Variants in LUC7L2 observed in about 807,000 individuals in gnomAD.
LUC7L2 encodes putative RNA-binding protein Luc7-like 2.
In LUC7L2, 25 loss-of-function variants were observed where a neutral mutation model predicts 52.8. The ratio of observed to expected loss-of-function variants is 0.47; its 90% confidence interval spans 0.34 to 0.66. The LOEUF is 0.66. Among genes scored for constraint, LUC7L2 ranks in the 30% least tolerant of loss-of-function variants. The pLI is 0.01. For missense variants in LUC7L2, 328 were observed against 497.8 expected (o/e 0.66, Z 3.25); for synonymous variants, 144 against 160.9 (o/e 0.89, Z 0.80).
chr7:139,379,901 G>A (rs570282550), intron 2 of LUC7L2, among the ~76,000 whole-genome samples: 57 of 152,044 alleles, frequency 3.7e-4, no homozygotes, highest in Non-Finnish European at 6.8e-4. Context: ...AAATTAATCA[G>A]GGCTGGGCGT....
intron 2 of LUC7L2, among the ~76,000 whole-genome samples, chr7:139,387,260 C>G (rs1794242623): frequency 6.6e-6 from 1 of 152,136 alleles, no homozygotes; most frequent in Non-Finnish European, 1.5e-5. Flanking sequence ...GTGGCGCGAT[C>G]TCGGCTCACT....
intron 7 of LUC7L2, among the ~76,000 whole-genome samples, chr7:139,410,298 A>T (rs1007151239): frequency 7.3e-5 from 11 of 150,020 alleles, no homozygotes; most frequent in Non-Finnish European, 1.3e-4. Context: ...TAGAATTATT[A>T]TTTTTTTTTT....
In LUC7L2 at chr7:139,367,117, A is replaced by G. The variant is rs539976828; in HGVS notation, c.61+6795A>G. Among the ~76,000 whole-genome samples, 5 of 152,152 alleles carry G rather than the reference A, an allele frequency of 3.3e-5. No homozygotes were observed. In the South Asian group the frequency reaches 1.0e-3, roughly 32 times the overall value. On this transcript the variant is annotated intron_variant, in intron 1 of 9. Transcript: ENST00000354926. ...TTCCCGAGTGGCTGAGATGACAGGC[A>G]TGCACTGTCATGCCCTGCTAATTTT...
upstream of LUC7L2, chr7:139,359,844 C>G (rs1799765262): frequency 2.4e-6 from 1 of 409,858 alleles, no homozygotes; most frequent in Non-Finnish European, 4.3e-6. Flanking sequence ...CAGCTGGACG[C>G]CAGTTGGTGG....
chr7:139,411,276 G>A (rs1795349474), intron 7 of LUC7L2, among the ~76,000 whole-genome samples: 1 of 152,140 alleles, frequency 6.6e-6, no homozygotes, highest in East Asian at 1.9e-4. Flanking sequence ...CGTTGAATCT[G>A]TGAGCTTAAA....
At chr7:139,376,258 G>A in intron 2 of LUC7L2, 102 bp downstream of exon 2, 2 of 1,159,720 alleles carry the variant, frequency 1.7e-6, no homozygotes, top group Admixed American at 2.1e-5. Context: ...CTTGTGAGGG[G>A]AGATTTGCAT....
At chr7:139,381,532 C>T (rs1420089637) in intron 2 of LUC7L2, among the ~76,000 whole-genome samples, 1 of 151,918 alleles carries the variant, frequency 6.6e-6, no homozygotes, top group African/African-American at 2.4e-5. Context: ...GCCTCAGCCT[C>T]CCGAGTAGCT....
chr7:139,343,337 C>G (rs1799094349), intron 1 of LUC7L2, among the ~76,000 whole-genome samples: 1 of 152,166 alleles, frequency 6.6e-6, no homozygotes, highest in South Asian at 2.1e-4. Context: ...ATGAATGTTG[C>G]TTTCAACATG....
chr7:139,360,196 AT>A lies in LUC7L2; in HGVS notation c.-65del. The A allele has an allele frequency of 7.9e-7, 1 of 1,258,254 alleles. No homozygotes were observed. Among genetic ancestry groups the A allele is most frequent in the Non-Finnish European group, 1.1e-6 (1 of 900,406 alleles). The allele number at this position is 1,258,254 out of a possible 1,614,324, so 77.9% of individuals were successfully genotyped here. A position where few individuals can be genotyped will look rare whatever the true frequency, so the allele number is the denominator to read the frequency against. On this transcript the variant is annotated 5_prime_UTR_variant, in exon 1 of 10. Transcript: ENST00000354926. ...GCACCTTCCCCCATCCCTTCCCCTTATCCCCCAGCCCAAAAGGGCCCGGTCT... is the reference window on the plus strand; with the variant it reads ...GCACCTTCCCCCATCCCTTCCCCTTACCCCCAGCCCAAAAGGGCCCGGTCT...
At chr7:139,373,542 G>A (rs1471852825) in intron 1 of LUC7L2, among the ~76,000 whole-genome samples, 2 of 151,858 alleles carry the variant, frequency 1.3e-5, no homozygotes, top group African/African-American at 4.8e-5. Context: ...AACAGATTCT[G>A]ATCTTAAAAG....
At chr7:139,387,949 T>C (rs1009307962) in intron 2 of LUC7L2, among the ~76,000 whole-genome samples, 1 of 152,138 alleles carries the variant, frequency 6.6e-6, no homozygotes, top group Admixed American at 6.6e-5. Flanking sequence ...CTGATTTACT[T>C]ATTGTCGTCT....
chr7:139,369,004 T>G (rs1159676233), intron 1 of LUC7L2, among the ~76,000 whole-genome samples: 1 of 152,220 alleles, frequency 6.6e-6, no homozygotes, highest in Admixed American at 6.5e-5. Flanking sequence ...TTTTTCTTTT[T>G]TATTTCTTTT....
chr7:139,385,250 C>T (rs1476153391), intron 2 of LUC7L2, among the ~76,000 whole-genome samples: 2 of 151,150 alleles, frequency 1.3e-5, no homozygotes, highest in African/African-American at 4.9e-5. Flanking sequence ...CACATATATT[C>T]CCCCTGCAGC....
At chr7:139,344,152 T>C (rs1240770574) in intron 1 of LUC7L2, among the ~76,000 whole-genome samples, 1 of 152,106 alleles carries the variant, frequency 6.6e-6, no homozygotes, top group East Asian at 1.9e-4. Flanking sequence ...TTTGGAATCA[T>C]TTGGGGACTT....
intron 1 of LUC7L2, among the ~76,000 whole-genome samples, chr7:139,352,053 G>C (rs543637897): frequency 6.6e-6 from 1 of 152,152 alleles, no homozygotes; most frequent in African/African-American, 2.4e-5. Context: ...AAATTAGCCA[G>C]GTGTGGTGGC....
intron 7 of LUC7L2, among the ~76,000 whole-genome samples, chr7:139,412,229 A>C (rs1321245477): frequency 6.7e-6 from 1 of 150,318 alleles, no homozygotes; most frequent in Admixed American, 6.6e-5. Flanking sequence ...AAAAAAAAAA[A>C]AACAAAAACA....
chr7:139,350,461 A>T (rs1799418742), intron 1 of LUC7L2, among the ~76,000 whole-genome samples: 3 of 151,456 alleles, frequency 2.0e-5, no homozygotes, highest in Admixed American at 2.0e-4. Context: ...TTATGTATCC[A>T]TTTTCTGCAT....
chr7:139,370,553 G>T (rs1210523877), intron 1 of LUC7L2, among the ~76,000 whole-genome samples: 1 of 152,148 alleles, frequency 6.6e-6, no homozygotes, highest in Non-Finnish European at 1.5e-5. Flanking sequence ...CAACTCCCAG[G>T]TTCAAGCGAT....
intron 1 of LUC7L2, among the ~76,000 whole-genome samples, chr7:139,342,581 G>A (rs1343157018): frequency 6.6e-6 from 1 of 152,136 alleles, no homozygotes; most frequent in Admixed American, 6.5e-5. Context: ...TCCTGCCTCA[G>A]CCTCCCGAGT....
Sources: gnomAD v4.1 joint callset for allele counts (sites outside exome capture counted in the v4.1 genomes callset) on GRCh38, gnomAD v4.1.1 for gene constraint, MANE v1.5 for transcripts, NCBI Gene and HGNC (gene_info 2026-07-23, HGNC 2026-07-21) for gene names.